The following KDM3B variants were observed in gnomAD, a reference collection of about 807,000 sequenced individuals.
KDM3B encodes lysine-specific demethylase 3B.
KDM3B carries 10 observed loss-of-function variants against 170.0 expected under a neutral mutation model. The ratio of observed to expected loss-of-function variants is 0.06; its 90% CI spans 0.04 to 0.10. The LOEUF is 0.10. Ranked by LOEUF, KDM3B falls within the 10% of genes least tolerant of loss-of-function variation. The probability of loss-of-function intolerance (pLI) is 1.00; values close to 1 mark genes in which losing one functional copy is unlikely to be tolerated. For synonymous variants in KDM3B, 831 were observed against 834.8 expected (o/e 1.00, Z 0.08); for missense variants, 1,394 against 2,195.2 (o/e 0.64, Z 7.29).
chr5:138,391,701 A>C lies in KDM3B; in HGVS notation c.2069A>C (p.Lys690Thr). ...SADSASLAKK[K>T]PLFITTDSSK... ...GATTCGGCATCTTTAGCAAAGAAGA[A>C]ACCCCTCTTCATTACAACTGACTCC... Residue 690 changes from lysine (K) to threonine (T), a missense_variant, in exon 8 of 24, where the codon AAA (lysine) becomes ACA (threonine). Physicochemically the swap from Lys to Thr is moderately conservative, Grantham distance 78. Coordinates refer to ENST00000314358, the MANE Select transcript of KDM3B (RefSeq NM_016604.4). This position sits in a 1 kb window ranked among gnomAD's most constrained non-coding sequence, Gnocchi z 5.0. 1 of 1,614,066 alleles carries C rather than the reference A, an allele frequency of 6.2e-7. No individual in the cohort carries two copies. Among genetic ancestry groups the C allele is most frequent in the Non-Finnish European group, 8.5e-7 (1 of 1,180,032 alleles).
intron 11 of KDM3B, among the ~76,000 whole-genome samples, chr5:138,411,376 A>G (rs1399545279): frequency 6.6e-6 from 1 of 152,228 alleles, no homozygotes; most frequent in East Asian, 1.9e-4. Flanking sequence ...ACTACCAACT[A>G]ATGATTAATG....
At chr5:138,427,451 A>G (rs1763425978) in intron 19 of KDM3B, 132 bp downstream of exon 19, 3 of 1,022,486 alleles carry the variant, frequency 2.9e-6, no homozygotes, top group Non-Finnish European at 4.2e-6. Context: ...ATAGTATCCA[A>G]GGTGGTCTTG....
chr5:138,355,633 T>C (rs1761430276), intron 1 of KDM3B, among the ~76,000 whole-genome samples: 2 of 152,262 alleles, frequency 1.3e-5, no homozygotes. Context: ...TTTATTTTTT[T>C]AGAATTAGTT....
chr5:138,357,507 A>G (rs1359810873), intron 1 of KDM3B, among the ~76,000 whole-genome samples: 1 of 150,274 alleles, frequency 6.7e-6, no homozygotes, highest in Non-Finnish European at 1.5e-5. Flanking sequence ...GGAACCACAG[A>G]TGCACACTAC....
chr5:138,430,537 A>G, intron 22 of KDM3B, 112 bp downstream of exon 22: 1 of 935,116 alleles, frequency 1.1e-6, no homozygotes, highest in Non-Finnish European at 1.6e-6. Context: ...GATCTCTCTT[A>G]TGCTGCAACT....
intron 22 of KDM3B, among the ~76,000 whole-genome samples, chr5:138,430,663 G>A (rs1037008085): frequency 2.0e-5 from 3 of 152,166 alleles, no homozygotes; most frequent in Admixed American, 6.5e-5. Context: ...GGCCGAGGCG[G>A]GTGGATCACC....
intron 1 of KDM3B, among the ~76,000 whole-genome samples, chr5:138,366,937 GCTTA>G (rs1761761308): frequency 6.6e-6 from 1 of 152,162 alleles, no homozygotes; most frequent in Non-Finnish European, 1.5e-5. Flanking sequence ...GCTCTTTACA[GCTTA>G]CTTACTAGCC....
At position 138,392,957 on chromosome 5, in the gene KDM3B, T is replaced by A. The variant is rs1297454155; in HGVS notation, c.2630-214T>A. 2.0e-5 allele frequency among the ~76,000 whole-genome samples: 3 copies of A among 152,232 alleles called. No individual in the cohort carries two copies. In the East Asian group the frequency reaches 5.8e-4, roughly 29 times the overall value. On this transcript the variant is annotated intron_variant, in intron 8 of 23. Transcript: ENST00000314358. Reference sequence around the variant, plus strand: ...AAGTTGTTTTGCCATAGTGGGGCACTTCCCACAAGTTCTGCATGGTTCTTA... The same window carrying A: ...AAGTTGTTTTGCCATAGTGGGGCACATCCCACAAGTTCTGCATGGTTCTTA...
intron 9 of KDM3B, among the ~76,000 whole-genome samples, chr5:138,394,926 T>C (rs1423193331): frequency 6.6e-6 from 1 of 151,992 alleles, no homozygotes; most frequent in Non-Finnish European, 1.5e-5. Context: ...TAGTTGAAGA[T>C]AGAGTAGACA....
At chr5:138,425,840 T>A in intron 17 of KDM3B, 1 of 280,838 alleles carries the variant, frequency 3.6e-6, no homozygotes, top group African/African-American at 2.2e-5. Flanking sequence ...ACCCCACCTC[T>A]ACTAAAAATA....
chr5:138,423,980 C>A, intron 15 of KDM3B, 95 bp from the exon 16 acceptor site: 1 of 1,280,778 alleles, frequency 7.8e-7, no homozygotes, highest in Non-Finnish European at 1.1e-6. Flanking sequence ...TCAGACAGGT[C>A]AGAACTCCTT....
intron 12 of KDM3B, among the ~76,000 whole-genome samples, chr5:138,416,884 A>AATCTC (rs1763120323): frequency 6.6e-6 from 1 of 152,132 alleles, no homozygotes; most frequent in Non-Finnish European, 1.5e-5. Flanking sequence ...ACAGTGGCAC[A>AATCTC]ATCTCAGCTC....
intron 14 of KDM3B, among the ~76,000 whole-genome samples, chr5:138,419,668 A>AAAATATATAT (rs1408643891): frequency 9.2e-6 from 1 of 109,230 alleles, no homozygotes; most frequent in Non-Finnish European, 1.8e-5. Flanking sequence ...AAAAAAAAAA[A>AAAATATATAT]ATATATATAT....
chr5:138,381,600 T>C lies in KDM3B; in HGVS notation c.780+10T>C, dbSNP rs1762127254. 1 of 1,535,164 alleles carries C rather than the reference T, an allele frequency of 6.5e-7. No homozygotes were observed. The highest frequency in any genetic ancestry group is 9.0e-7 in the Non-Finnish European group (1 of 1,107,876). The stretch of plus-strand genomic sequence containing the variant: ...AGCGCCTCAAAGCGAGGTACAGTAA[T>C]GGACTGCATTCCTGAGCAGACTCAT... On this transcript the variant is annotated intron_variant, in intron 6 of 23. Coordinates refer to ENST00000314358, the MANE Select transcript of KDM3B (RefSeq NM_016604.4).
At position 138,379,648 on chromosome 5, in the gene KDM3B, C is replaced by T. The variant is rs768099116; in HGVS notation, c.645C>T (p.Leu215=). The T allele has an allele frequency of 1.9e-6, 3 of 1,613,744 alleles. No individual in the cohort carries two copies. The highest frequency in any genetic ancestry group is 1.1e-5 in the South Asian group (1 of 91,004). ...IYQPEGEEGW[L]YGVVSHQDSI... ...AGCCAGAGGGGGAAGAAGGGTGGCT[C>T]TATGGTGTTGTGAGCCATCAGGACT... The change falls in exon 5 of 24, where the codon CTC becomes CTT. Residue 215 remains leucine (L), a synonymous_variant. Coordinates refer to ENST00000314358, the MANE Select transcript of KDM3B (RefSeq NM_016604.4).
At chr5:138,374,944 G>A (rs1305810364) in intron 2 of KDM3B, 149 bp from the exon 3 acceptor site, 4 of 552,738 alleles carry the variant, frequency 7.2e-6, no homozygotes, top group South Asian at 2.2e-5. Context: ...TGCTAGGTTG[G>A]GAATGTTTCC....
chr5:138,373,149 G>A (rs940755838), intron 2 of KDM3B, among the ~76,000 whole-genome samples: 1 of 152,118 alleles, frequency 6.6e-6, no homozygotes, highest in Non-Finnish European at 1.5e-5. Context: ...AGATCACCCT[G>A]GGTAACATGC....
intron 7 of KDM3B, among the ~76,000 whole-genome samples, chr5:138,389,656 C>T (rs1334038015): frequency 2.0e-5 from 3 of 152,152 alleles, no homozygotes; most frequent in Middle Eastern, 3.4e-3. Flanking sequence ...GGTATATCAT[C>T]CTCTACTACT....
chr5:138,388,641 T>TA (rs60280463), intron 7 of KDM3B, among the ~76,000 whole-genome samples: 29,206 of 83,720 alleles, frequency 0.35, 4,123 homozygotes, highest in East Asian at 0.43. Context: ...ACTCCGTCTT[T>TA]AAAAAAAAAA....
Sources: allele counts gnomAD v4.1 joint callset (sites outside exome capture counted in the v4.1 genomes callset), GRCh38; gene constraint gnomAD v4.1.1; non-coding constraint Gnocchi (gnomAD v3.1); transcripts MANE v1.5; gene names NCBI Gene and HGNC (gene_info 2026-07-23, HGNC 2026-07-21).